DAGLA: variants seen among roughly 807,000 people sequenced by gnomAD.
DAGLA encodes the protein diacylglycerol lipase alpha, also known as diacylglycerol lipase-alpha.
Under a neutral mutation model 102.6 loss-of-function variants are expected in DAGLA, and 22 were observed. The observed-to-expected ratio is 0.21, with a 90% CI of 0.15 to 0.31. DAGLA has a LOEUF of 0.31. DAGLA is among the 10% of genes least tolerant of loss of function. The pLI is 1.00. For missense variants in DAGLA, 927 were observed against 1,446.6 expected (o/e 0.64, Z 5.83); for synonymous variants, 578 against 628.9 (o/e 0.92, Z 1.21).
intron 1 of DAGLA, among the ~76,000 whole-genome samples, chr11:61,706,714 C>A (rs1056792882): frequency 4.6e-5 from 7 of 152,218 alleles, no homozygotes; most frequent in African/African-American, 1.7e-4. Flanking sequence ...CGCCGAGGTC[C>A]CCTAGCTCTC....
chr11:61,740,953 A>T (rs2065473164), intron 18 of DAGLA, among the ~76,000 whole-genome samples: 1 of 152,194 alleles, frequency 6.6e-6, no homozygotes, highest in Admixed American at 6.5e-5. Flanking sequence ...GTAGGGCAGG[A>T]GCACTCGCCG....
At chr11:61,739,406 T>TCCCCCC in intron 16 of DAGLA, 59 bp from the exon 17 acceptor site, 1 of 922,078 alleles carries the variant, frequency 1.1e-6, no homozygotes, top group Non-Finnish European at 1.6e-6. Context: ...CCCCTGCCCC[T>TCCCCCC]GCCCCCCAGC....
Position 61,722,928 on chromosome 11 carries a change from G to C in DAGLA, c.377G>C (p.Cys126Ser), listed in dbSNP as rs1430754596. 6.2e-7 allele frequency: 1 copy of C among 1,614,130 alleles called. No homozygotes were observed. Reference sequence around the variant, plus strand: ...TGGCTCACTCAGTACTACACCTCCTGCAACGACCTCACTGCCAAGAATGTC... The same window carrying C: ...TGGCTCACTCAGTACTACACCTCCTCCAACGACCTCACTGCCAAGAATGTC... ...IVWLTQYYTS[C>S]NDLTAKNVTL... Residue 126 changes from cysteine (C) to serine (S), a missense_variant, in exon 4 of 20, where the codon TGC (cysteine) becomes TCC (serine). Cys to Ser is a moderately radical substitution (Grantham distance 112). Coordinates refer to ENST00000257215, the MANE Select transcript of DAGLA (RefSeq NM_006133.3).
rs537560047 is a variant in DAGLA, at chr11:61,700,559, C to T, written c.-44-19553C>T. Among the ~76,000 whole-genome samples, 7 of 152,326 alleles carry T rather than the reference C, an allele frequency of 4.6e-5. No homozygotes were observed. In the East Asian group the frequency reaches 7.7e-4, roughly 17 times the overall value. On this transcript the variant is annotated intron_variant, in intron 1 of 19. Transcript: ENST00000257215. The stretch of plus-strand genomic sequence containing the variant: ...GCCAGTGACTCCTTGAGCCTGTGAT[C>T]GTGGTCCTCAGGCCAAGGGGAACAG...
Position 61,734,700 on chromosome 11 carries a change from C to T in DAGLA, c.975-149C>T, listed in dbSNP as rs981658507. 5.9e-6 allele frequency: 4 copies of T among 680,828 alleles called. No homozygotes were observed. Among genetic ancestry groups the T allele is most frequent in the Non-Finnish European group, 1.0e-5 (4 of 401,732 alleles). 42.2% of individuals were successfully genotyped at this position (680,828 alleles called of 1,614,324 possible). On this transcript the variant is annotated intron_variant, in intron 9 of 19. Transcript: ENST00000257215. This position sits in a 1 kb window ranked among gnomAD's most constrained non-coding sequence, Gnocchi z 4.2. Reference sequence around the variant, plus strand: ...TAAGAGTGGCCAGTGGATTTGGTGACGTGGGGGTCACTAGGACTTAGCAAG... The same window carrying T: ...TAAGAGTGGCCAGTGGATTTGGTGATGTGGGGGTCACTAGGACTTAGCAAG...
At chr11:61,690,090 T>A (rs2065012178) in intron 1 of DAGLA, among the ~76,000 whole-genome samples, 1 of 152,132 alleles carries the variant, frequency 6.6e-6, no homozygotes, top group Non-Finnish European at 1.5e-5. Flanking sequence ...CAAACTCTCC[T>A]GGGCTGCAGG....
intron 1 of DAGLA, among the ~76,000 whole-genome samples, chr11:61,705,285 G>A (rs968540098): frequency 6.6e-6 from 1 of 152,220 alleles, no homozygotes; most frequent in African/African-American, 2.4e-5. Flanking sequence ...CATTTTGTCT[G>A]CTGAATTTCC....
At chr11:61,682,520 C>T (rs1009327456) in intron 1 of DAGLA, among the ~76,000 whole-genome samples, 14 of 152,244 alleles carry the variant, frequency 9.2e-5, no homozygotes, top group Admixed American at 3.3e-4. Flanking sequence ...AGCATGGCCC[C>T]GGCAGCTGTG....
Position 61,741,263 on chromosome 11 carries a change from G to A in DAGLA, c.2085G>A (p.Gln695=). Reference sequence around the variant, plus strand: ...ACCTGACTCCTGAGCTCATCTTCCAGCAGCAGCCACTCCCCACGGGGCCGC... The same window carrying A: ...ACCTGACTCCTGAGCTCATCTTCCAACAGCAGCCACTCCCCACGGGGCCGC... The part of the protein sequence containing the change: ...EVDLTPELIF[Q]QQPLPTGPPM... The change falls in exon 19 of 20, where the codon CAG becomes CAA. Residue 695 remains glutamine, a synonymous_variant. Transcript: ENST00000257215. 3 of 1,613,138 alleles carry A rather than the reference G, an allele frequency of 1.9e-6. No homozygotes were observed. Among genetic ancestry groups the A allele is most frequent in the Non-Finnish European group, 2.5e-6 (3 of 1,180,006 alleles).
At chr11:61,731,092 C>T (rs1000397692) in intron 8 of DAGLA, among the ~76,000 whole-genome samples, 1 of 152,242 alleles carries the variant, frequency 6.6e-6, no homozygotes, top group South Asian at 2.1e-4. Flanking sequence ...GGACAGGTCT[C>T]TGAGGATTCG....
rs1169498986 is a variant in DAGLA at position 61,746,280 on chromosome 11, A to G, written c.*1791A>G. 6.6e-6 allele frequency: 1 copy of G among 152,420 alleles called. No homozygotes were observed. Among genetic ancestry groups the G allele is most frequent in the Non-Finnish European group, 1.5e-5 (1 of 68,074 alleles). The allele number at this position is 152,420 out of a possible 1,614,324, so 9.4% of individuals were successfully genotyped here. A position where few individuals can be genotyped will look rare whatever the true frequency, so the allele number is the denominator to read the frequency against. On this transcript the variant is annotated 3_prime_UTR_variant, in exon 20 of 20. Coordinates refer to ENST00000257215, the MANE Select transcript of DAGLA (RefSeq NM_006133.3). ...GGACACCCTGGCCCTGCTGAGGCAT[A>G]CAGAGCTTCAGCCCAGCACAGAAGC...
rs186015417 is a variant in DAGLA at position 61,720,936 on chromosome 11, T to C, written c.307+46T>C. 2.1e-4 allele frequency: 330 copies of C among 1,560,274 alleles called. 1 individual carries two copies. In the African/African-American group the frequency reaches 4.1e-3, roughly 19 times the overall value. On this transcript the variant is annotated intron_variant, in intron 3 of 19. Transcript: ENST00000257215. ...GGTGCTGCCCCAGACAACTCCCACC[T>C]CTCCATTCACTCAGCCAGTATTTAC...
intron 4 of DAGLA, 151 bp from the exon 5 acceptor site, chr11:61,723,283 C>T: frequency 8.8e-7 from 1 of 1,138,362 alleles, no homozygotes; most frequent in Non-Finnish European, 1.2e-6. Context: ...ACGTATGTGG[C>T]CAGAGACTGG....
At chr11:61,699,071 C>A (rs2065089224) in intron 1 of DAGLA, among the ~76,000 whole-genome samples, 1 of 152,220 alleles carries the variant, frequency 6.6e-6, no homozygotes, top group African/African-American at 2.4e-5. Flanking sequence ...AAAGACAGGG[C>A]CTCCTCTGGC....
chr11:61,683,182 C>T (rs1478386828), intron 1 of DAGLA, among the ~76,000 whole-genome samples: 1 of 152,230 alleles, frequency 6.6e-6, no homozygotes, highest in Admixed American at 6.5e-5. Context: ...CATCCTTGCT[C>T]CCCGAGGAAA....
At chr11:61,727,645 C>T (rs2065340269) in intron 6 of DAGLA, among the ~76,000 whole-genome samples, 1 of 152,192 alleles carries the variant, frequency 6.6e-6, no homozygotes, top group Non-Finnish European at 1.5e-5. Context: ...TTGTGGGGGT[C>T]ACTGAGCCAG....
chr11:61,692,940 T>C (rs1301957382), intron 1 of DAGLA, among the ~76,000 whole-genome samples: 1 of 151,868 alleles, frequency 6.6e-6, no homozygotes, highest in African/African-American at 2.4e-5. Context: ...AAAAAAAGAC[T>C]AGAAGGATGT....
chr11:61,702,972 A>G (rs1440889001), intron 1 of DAGLA, among the ~76,000 whole-genome samples: 4 of 152,190 alleles, frequency 2.6e-5, no homozygotes, highest in African/African-American at 9.7e-5. Flanking sequence ...GAAGTTGCAT[A>G]TGTGGGCAGT....
At chr11:61,722,707 G>C (rs2065294292) in intron 3 of DAGLA, 152 bp from the exon 4 acceptor site, 1 of 640,308 alleles carries the variant, frequency 1.6e-6, no homozygotes, top group Admixed American at 2.6e-5. Context: ...TGGGAGGCGG[G>C]GGGTGGGGGG....
Sources: gnomAD v4.1 joint callset for allele counts (sites outside exome capture counted in the v4.1 genomes callset) on GRCh38, gnomAD v4.1.1 for gene constraint, Gnocchi (gnomAD v3.1) non-coding constraint, MANE v1.5 for transcripts, NCBI Gene and HGNC (gene_info 2026-07-23, HGNC 2026-07-21) for gene names.